Variants in EDA observed in about 807,000 individuals in gnomAD.
The protein encoded by EDA is ectodysplasin-A.
Under a neutral mutation model 23.6 loss-of-function variants are expected in EDA, and 2 were observed. That is an observed-to-expected ratio of 0.08 (90% CI 0.03 to 0.27). The LOEUF (loss-of-function observed/expected upper bound fraction) is 0.27. Ranked by LOEUF, EDA falls within the 10% of genes least tolerant of loss-of-function variation. The pLI is 1.00. For synonymous variants in EDA, 131 were observed against 132.0 expected (o/e 0.99, Z 0.05); for missense variants, 229 against 324.2 (o/e 0.71, Z 2.26).
intron 1 of EDA, among the ~76,000 whole-genome samples, chrX:69,802,370 G>A (rs1473722504): frequency 1.8e-5 from 2 of 108,774 alleles, no homozygotes; most frequent in East Asian, 5.7e-4. Flanking sequence ...ATACTTATAA[G>A]TATATATAGA....
intron 2 of EDA, among the ~76,000 whole-genome samples, chrX:70,022,172 G>A (rs905886906): frequency 1.8e-5 from 2 of 110,229 alleles, no homozygotes; most frequent in Non-Finnish European, 3.8e-5. Context: ...TAAACTGTTT[G>A]GGGAGTTGCG....
At chrX:69,639,058 TTA>T (rs1932810507) in intron 1 of EDA, among the ~76,000 whole-genome samples, 2 of 110,678 alleles carry the variant, frequency 1.8e-5, no homozygotes, top group African/African-American at 6.6e-5. Flanking sequence ...CTTACTTAAA[TTA>T]GCTAAGGTTC....
At chrX:69,941,626 A>T (rs1458944701) in intron 1 of EDA, among the ~76,000 whole-genome samples, 1 of 111,085 alleles carries the variant, frequency 9.0e-6, no homozygotes. Context: ...ATTAGCATGG[A>T]ATATCTTTTC....
intron 1 of EDA, among the ~76,000 whole-genome samples, chrX:69,879,326 G>GT (rs2017704479): frequency 8.9e-6 from 1 of 111,946 alleles, no homozygotes; most frequent in South Asian, 3.8e-4. Context: ...CCTATTCCTT[G>GT]TTGCTGTTCT....
At chrX:69,853,568 A>G (rs753467179) in intron 1 of EDA, among the ~76,000 whole-genome samples, 1 of 112,231 alleles carries the variant, frequency 8.9e-6, no homozygotes, top group Non-Finnish European at 1.9e-5. Flanking sequence ...TAAAAATCGT[A>G]ATCCAGGCTT....
rs771499196 is a variant in EDA, at chrX:69,947,735, T to A, written c.397-9292T>A. On this transcript the variant is annotated intron_variant, in intron 1 of 7. Transcript: ENST00000374552. Reference sequence around the variant, plus strand: ...GACTCTGACTCTGACAATAAAACAGTTCACCAAGTAGATGTGATATCTGTG... The same window carrying A: ...GACTCTGACTCTGACAATAAAACAGATCACCAAGTAGATGTGATATCTGTG... Among the ~76,000 whole-genome samples, 4 of 112,136 alleles carry A rather than the reference T, an allele frequency of 3.6e-5. No individual in the cohort carries two copies. In the East Asian group the frequency reaches 1.1e-3, roughly 31 times the overall value.
intron 1 of EDA, among the ~76,000 whole-genome samples, chrX:69,691,675 A>G (rs1934713925): frequency 9.0e-6 from 1 of 111,447 alleles, no homozygotes; most frequent in Non-Finnish European, 1.9e-5. Flanking sequence ...TTAAATATCC[A>G]TAGAGATAAT....
intron 1 of EDA, among the ~76,000 whole-genome samples, chrX:69,635,191 C>T (rs925900913): frequency 9.0e-5 from 10 of 111,697 alleles, no homozygotes; most frequent in Admixed American, 6.7e-4. Flanking sequence ...TACACTCTTG[C>T]CTTCTTTTCT....
At chrX:69,827,994 C>A (rs912119704) in intron 1 of EDA, among the ~76,000 whole-genome samples, 1 of 110,885 alleles carries the variant, frequency 9.0e-6, no homozygotes, top group Non-Finnish European at 1.9e-5. Context: ...TGGGGGGTGC[C>A]TCCCAGTTAG....
chrX:69,790,929 G>C lies in EDA; in HGVS notation c.397-166098G>C, dbSNP rs1308986544. Among the ~76,000 whole-genome samples, 3 of 111,016 alleles carry C rather than the reference G, an allele frequency of 2.7e-5. No individual in the cohort carries two copies. In the South Asian group the frequency reaches 1.1e-3, roughly 42 times the overall value. On this transcript the variant is annotated intron_variant, in intron 1 of 7. Transcript: ENST00000374552. ...CCCCTCAAAACAGGCAACTGAAGTAGTTATGATAAGTGAAACACAGTGCTT... is the reference window on the plus strand; with the variant it reads ...CCCCTCAAAACAGGCAACTGAAGTACTTATGATAAGTGAAACACAGTGCTT...
At chrX:69,799,649 A>G (rs1480616976) in intron 1 of EDA, among the ~76,000 whole-genome samples, 1 of 106,029 alleles carries the variant, frequency 9.4e-6, no homozygotes, top group Non-Finnish European at 1.9e-5. Context: ...CAAAACCACA[A>G]TGGGATATCA....
chrX:69,686,648 T>C (rs751858620), intron 1 of EDA, among the ~76,000 whole-genome samples: 91 of 111,651 alleles, frequency 8.2e-4, no homozygotes, highest in Non-Finnish European at 1.5e-3. Flanking sequence ...TCTCTATAGA[T>C]TTGACCATTC....
intron 2 of EDA, among the ~76,000 whole-genome samples, chrX:69,981,240 G>C (rs917774642): frequency 9.0e-6 from 1 of 111,274 alleles, no homozygotes; most frequent in Non-Finnish European, 1.9e-5. Flanking sequence ...GTGGTATACA[G>C]TATCACTATG....
intron 1 of EDA, among the ~76,000 whole-genome samples, chrX:69,861,960 C>T (rs191435960): frequency 5.4e-5 from 6 of 111,879 alleles, no homozygotes; most frequent in East Asian, 5.6e-4. Context: ...TAGTTATCTA[C>T]GGCTGCATAA....
At chrX:69,660,070 T>TA (rs748472678) in intron 1 of EDA, among the ~76,000 whole-genome samples, 6 of 111,768 alleles carry the variant, frequency 5.4e-5, no homozygotes, top group Non-Finnish European at 1.1e-4. Context: ...ATAGGTTTAA[T>TA]ACGTGTTTCC....
At chrX:69,884,479 T>C (rs2017798018) in intron 1 of EDA, among the ~76,000 whole-genome samples, 1 of 112,464 alleles carries the variant, frequency 8.9e-6, no homozygotes, top group South Asian at 3.7e-4. Context: ...AAGTGAATTA[T>C]ATCTCAATTT....
intron 1 of EDA, among the ~76,000 whole-genome samples, chrX:69,723,297 G>T (rs1315879346): frequency 1.8e-5 from 2 of 111,621 alleles, no homozygotes; most frequent in Admixed American, 1.9e-4. Flanking sequence ...ACCTTGTGTG[G>T]GTACCCAGCT....
At chrX:69,994,611 A>G (rs2019632113) in intron 2 of EDA, among the ~76,000 whole-genome samples, 1 of 112,178 alleles carries the variant, frequency 8.9e-6, no homozygotes, top group African/African-American at 3.2e-5. Context: ...TAGAAGACAT[A>G]CTTTGCCTAA....
chrX:70,035,232 G>A, intron 7 of EDA, 126 bp from the exon 8 acceptor site: 1 of 802,361 alleles, frequency 1.2e-6, no homozygotes, highest in Non-Finnish European at 1.8e-6. Flanking sequence ...CCTTCACATG[G>A]CACTGCCCCA....
Sources: allele counts gnomAD v4.1 joint callset (sites outside exome capture counted in the v4.1 genomes callset), GRCh38; gene constraint gnomAD v4.1.1; transcripts MANE v1.5; gene names NCBI Gene and HGNC (gene_info 2026-07-23, HGNC 2026-07-21).